Variants in ANK2 observed in about 807,000 individuals in gnomAD.
ANK2 encodes the protein ankyrin 2, also known as ankyrin-2.
Under a neutral mutation model 360.5 loss-of-function variants are expected in ANK2, and 83 were observed. The ratio of observed to expected loss-of-function variants is 0.23; its 90% CI spans 0.19 to 0.28. The LOEUF is 0.28. Among genes scored for constraint, ANK2 ranks in the 10% least tolerant of loss-of-function variants. The probability of loss-of-function intolerance (pLI) is 1.00; values close to 1 mark genes in which losing one functional copy is unlikely to be tolerated. For missense variants in ANK2, 4,201 were observed against 4,795.7 expected (o/e 0.88, Z 3.66); for synonymous variants, 1,740 against 1,759.5 (o/e 0.99, Z 0.28).
In ANK2 at chr4:113,277,956, A is replaced by T. The variant is rs201686824; in HGVS notation, c.1782+21A>T. ...GGAAGGTAAAGATTTTCTATACGTT[A>T]TAATTATGTAACAGTGAAGGTGATA... On this transcript the variant is annotated intron_variant, in intron 16 of 45. Coordinates refer to ENST00000357077, the MANE Select transcript of ANK2 (RefSeq NM_001148.6). 3 of 1,588,228 alleles carry T rather than the reference A, an allele frequency of 1.9e-6. No homozygotes were observed. The Admixed American group carries it at 5.0e-5, about 27-fold the overall frequency.
rs2061369394 is a variant in ANK2 at position 112,838,077 on chromosome 4, TC to T, written c.-40+19817del. Among the ~76,000 whole-genome samples the T allele has an allele frequency of 2.0e-5, 3 of 152,106 alleles. 1 individual carries two copies. In the South Asian group the frequency reaches 6.2e-4, roughly 32 times the overall value. On this transcript the variant is annotated intron_variant, in intron 1 of 30. Coordinates refer to the ANK2 transcript ENST00000503271. Reference sequence around the variant, plus strand: ...ACCCAAATCTCATCTTGAATTGTAGTCCCCACATGTTGAGGGAGGGACATGG... The same window carrying T: ...ACCCAAATCTCATCTTGAATTGTAGTCCCACATGTTGAGGGAGGGACATGG...
At chr4:113,031,830 A>C (rs1344768785) in intron 2 of ANK2, among the ~76,000 whole-genome samples, 1 of 152,044 alleles carries the variant, frequency 6.6e-6, no homozygotes, top group African/African-American at 2.4e-5. Context: ...TCTTAATATC[A>C]AATGCAAGGG....
chr4:113,225,001 G>C lies in ANK2; in HGVS notation c.385-7160G>C, dbSNP rs1171995960. ...TTCTTTCACTATTCATTAGACTCAG[G>C]TTTAGAGGACAAAATTCCCCAAGTG... On this transcript the variant is annotated intron_variant, in intron 4 of 45. Coordinates refer to ENST00000357077, the MANE Select transcript of ANK2 (RefSeq NM_001148.6). Among the ~76,000 whole-genome samples the C allele has an allele frequency of 1.3e-5, 2 of 151,540 alleles. 1 individual carries two copies. Among genetic ancestry groups the C allele is most frequent in the Non-Finnish European group, 2.9e-5 (2 of 67,938 alleles).
At chr4:113,323,724 T>C (rs2087854432) in intron 26 of ANK2, 5 of 1,593,764 alleles carry the variant, frequency 3.1e-6, no homozygotes, top group Non-Finnish European at 4.3e-6. Flanking sequence ...CTTTATCCGT[T>C]CCTTCTCTGT....
chr4:113,318,926 C>T (rs535572378), intron 26 of ANK2, among the ~76,000 whole-genome samples: 237 of 152,274 alleles, frequency 1.6e-3, no homozygotes, highest in African/African-American at 5.4e-3. Context: ...CACGTACTGT[C>T]TTTAAGACAT....
rs781102455 is a variant in ANK2 at position 113,355,779 on chromosome 4, T to C, written c.7161T>C (p.Ala2387=). The C allele has an allele frequency of 6.2e-7, 1 of 1,614,032 alleles. No individual in the cohort carries two copies. The highest frequency in any genetic ancestry group is 1.7e-5 in the Admixed American group (1 of 60,006). The part of the protein sequence containing the change: ...DETKALPLPE[A]SVKTDTGTES... ...CAAAGGCCTTGCCGCTGCCTGAGGC[T>C]TCTGTAAAGACAGATACAGGAACTG... Residue 2387 remains alanine, a synonymous_variant, in exon 38 of 46, where the codon GCT becomes GCC. Transcript: ENST00000357077.
At chr4:113,235,734 C>T (rs760422782) in intron 5 of ANK2, among the ~76,000 whole-genome samples, 7 of 151,670 alleles carry the variant, frequency 4.6e-5, no homozygotes, top group Non-Finnish European at 1.0e-4. Flanking sequence ...CCGTGCCTGG[C>T]CTAGAATGCA....
chr4:113,224,022 A>G (rs1336178423), intron 4 of ANK2, among the ~76,000 whole-genome samples: 2 of 152,206 alleles, frequency 1.3e-5, no homozygotes, highest in African/African-American at 2.4e-5. Context: ...CAGTGTCAGC[A>G]TAACACAGCA....
chr4:112,872,777 A>C (rs1175811249), intron 1 of ANK2, among the ~76,000 whole-genome samples: 1 of 152,152 alleles, frequency 6.6e-6, no homozygotes, highest in African/African-American at 2.4e-5. Flanking sequence ...AGAGTTTCTC[A>C]AGAATTGGTG....
intron 1 of ANK2, among the ~76,000 whole-genome samples, chr4:112,887,108 G>A (rs1217027503): frequency 1.3e-5 from 2 of 152,054 alleles, no homozygotes; most frequent in Non-Finnish European, 1.5e-5. Context: ...TCTCTCCTGT[G>A]ATACCTAATT....
intron 2 of ANK2, among the ~76,000 whole-genome samples, chr4:113,181,669 A>G (rs922859299): frequency 3.9e-5 from 6 of 152,098 alleles, no homozygotes; most frequent in Non-Finnish European, 8.8e-5. Flanking sequence ...AAGAAAACCT[A>G]AAGAAATTGA....
At position 113,354,207 on chromosome 4, in the gene ANK2, G is replaced by A. The variant is rs2095595725; in HGVS notation, c.5589G>A (p.Thr1863=). ...CACCTGTGTCACCCTCTGCAAAAAC[G>A]GAAAGACATTCACCTGCGTCATCAT... The part of the protein sequence containing the change: ...KHSPVSPSAK[T]ERHSPASSSS... The change falls in exon 38 of 46, where the codon ACG becomes ACA. Residue 1863 remains threonine (T), a synonymous_variant. Coordinates refer to ENST00000357077, the MANE Select transcript of ANK2 (RefSeq NM_001148.6). The A allele has an allele frequency of 1.2e-6, 2 of 1,613,314 alleles. No homozygotes were observed. Among genetic ancestry groups the A allele is most frequent in the Non-Finnish European group, 8.5e-7 (1 of 1,179,796 alleles).
chr4:113,048,447 G>A (rs1013505094), upstream of ANK2, among the ~76,000 whole-genome samples: 2 of 59,776 alleles, frequency 3.3e-5, no homozygotes, highest in African/African-American at 1.2e-4. Flanking sequence ...TTTTTTTTTT[G>A]TATTTTTAGT....
At chr4:112,975,248 C>G (rs960985978) in intron 2 of ANK2, among the ~76,000 whole-genome samples, 1 of 152,132 alleles carries the variant, frequency 6.6e-6, no homozygotes, top group African/African-American at 2.4e-5. Context: ...TGTTTCTGTT[C>G]ACTTAGCAGG....
At chr4:112,944,447 G>T (rs1387819251) in intron 2 of ANK2, among the ~76,000 whole-genome samples, 2 of 152,130 alleles carry the variant, frequency 1.3e-5, no homozygotes, top group African/African-American at 2.4e-5. Flanking sequence ...TTGTGATCAG[G>T]ATAATAGGAA....
intron 13 of ANK2, among the ~76,000 whole-genome samples, chr4:113,263,965 C>A (rs1347072886): frequency 6.6e-6 from 1 of 152,114 alleles, no homozygotes; most frequent in Non-Finnish European, 1.5e-5. Context: ...TCATGCTACA[C>A]CTAAAGCCAC....
the ANK2 span, among the ~76,000 whole-genome samples, chr4:112,779,361 T>C: frequency 2.6e-5 from 4 of 151,244 alleles, no homozygotes; most frequent in Non-Finnish European, 4.4e-5. Context: ...TACTGAAAAA[T>C]AGAAAAAATT....
rs60910457 is a variant in ANK2 at position 113,253,673 on chromosome 4, A to G, written c.991-2062A>G. Among the ~76,000 whole-genome samples, 1,037 of 152,124 alleles carry G rather than the reference A, an allele frequency of 6.8e-3. 12 individuals are homozygous for G. The highest frequency in any genetic ancestry group is 0.024 in the African/African-American group (994 of 41,492). On this transcript the variant is annotated intron_variant, in intron 10 of 45. Transcript: ENST00000357077. ...CCAAACACTGTCACCTCTTCCTTCA[A>G]AATGTGTCACTAATTCAGCAGCTTG...
intron 23 of ANK2, 42 bp from the exon 24 acceptor site, chr4:113,311,213 C>T: frequency 6.2e-7 from 1 of 1,612,900 alleles, no homozygotes; most frequent in Admixed American, 1.7e-5. Flanking sequence ...GTTGATATTA[C>T]ATTCAAGAAA....
Sources: allele counts gnomAD v4.1 joint callset (sites outside exome capture counted in the v4.1 genomes callset), GRCh38; gene constraint gnomAD v4.1.1; transcripts MANE v1.5; gene names NCBI Gene and HGNC (gene_info 2026-07-23, HGNC 2026-07-21).